NEK11: variants seen among roughly 807,000 people sequenced by gnomAD.
The protein encoded by NEK11 is serine/threonine-protein kinase Nek11.
Under a neutral mutation model 80.7 loss-of-function variants are expected in NEK11, and 72 were observed. The observed-to-expected ratio is 0.89, with a 90% CI of 0.74 to 1.08. The LOEUF is 1.08. Ranked by LOEUF, NEK11 falls within the 50% of genes least tolerant of loss-of-function variation. The pLI, the probability that NEK11 is intolerant of heterozygous loss-of-function variation, is 0.00. For synonymous variants in NEK11, 251 were observed against 260.7 expected, an observed-to-expected ratio of 0.96 and a Z score of 0.36; for missense variants, 764 against 763.6, an observed-to-expected ratio of 1.00 and a Z score of -0.01.
At chr3:131,152,972 A>C (rs2089976054) in intron 9 of NEK11, among the ~76,000 whole-genome samples, 1 of 152,168 alleles carries the variant, frequency 6.6e-6, no homozygotes, top group African/African-American at 2.4e-5. Context: ...CTTTAGTCCC[A>C]GCTACTCAGG....
At chr3:131,202,402 C>T (rs1169819316) in intron 14 of NEK11, among the ~76,000 whole-genome samples, 1 of 152,148 alleles carries the variant, frequency 6.6e-6, no homozygotes, top group Non-Finnish European at 1.5e-5. Context: ...AAACACTGCA[C>T]TTTTACAATG....
chr3:131,124,134 T>C (rs1388894488), intron 5 of NEK11, among the ~76,000 whole-genome samples: 1 of 152,158 alleles, frequency 6.6e-6, no homozygotes, highest in Non-Finnish European at 1.5e-5. Flanking sequence ...AAAAGGGACA[T>C]ATGGCATGTC....
chr3:131,223,681 T>C lies in NEK11; in HGVS notation c.1400-4847T>C, dbSNP rs557643344. Among the ~76,000 whole-genome samples, 4 of 152,340 alleles carry C rather than the reference T, an allele frequency of 2.6e-5. No individual in the cohort carries two copies. In the South Asian group the frequency reaches 8.3e-4, roughly 32 times the overall value. ...GTAATCTGCAAAGCCTAAAATTGTTTTACTATCTAGCCCTTTACAGAACAT... is the reference window on the plus strand; with the variant it reads ...GTAATCTGCAAAGCCTAAAATTGTTCTACTATCTAGCCCTTTACAGAACAT... On this transcript the variant is annotated intron_variant, in intron 14 of 17. Coordinates refer to ENST00000383366, the MANE Select transcript of NEK11 (RefSeq NM_024800.5).
intron 3 of NEK11, among the ~76,000 whole-genome samples, chr3:131,046,979 T>C (rs2067496580): frequency 6.6e-6 from 1 of 152,182 alleles, no homozygotes; most frequent in Admixed American, 6.5e-5. Context: ...TTGGAGGCTT[T>C]TTAAAAAAAT....
chr3:131,119,776 G>A (rs2082037715), intron 5 of NEK11, among the ~76,000 whole-genome samples: 1 of 151,892 alleles, frequency 6.6e-6, no homozygotes, highest in South Asian at 2.1e-4. Flanking sequence ...TGTTTTATCA[G>A]AGACTAGGAT....
chr3:131,271,656 T>C (rs1361840037), intron 16 of NEK11, among the ~76,000 whole-genome samples: 1 of 151,458 alleles, frequency 6.6e-6, no homozygotes, highest in South Asian at 2.1e-4. Flanking sequence ...TTAGCTGGGC[T>C]TGGTGGCGGG....
At chr3:131,080,010 G>A (rs2074977785) in intron 3 of NEK11, among the ~76,000 whole-genome samples, 1 of 146,702 alleles carries the variant, frequency 6.8e-6, no homozygotes, top group Admixed American at 6.9e-5. Flanking sequence ...ACAGAGTGAT[G>A]GATTACATAT....
intron 14 of NEK11, among the ~76,000 whole-genome samples, chr3:131,215,272 G>A (rs1171440807): frequency 4.8e-5 from 6 of 125,098 alleles, no homozygotes; most frequent in African/African-American, 1.0e-4. Flanking sequence ...GGGGCCTGTT[G>A]TGGGGCGGGG....
chr3:131,072,535 GC>G (rs1273193030), intron 3 of NEK11, among the ~76,000 whole-genome samples: 2 of 152,102 alleles, frequency 1.3e-5, no homozygotes, highest in Non-Finnish European at 1.5e-5. Context: ...CGATGACTCT[GC>G]CCATCTGTAT....
chr3:131,300,385 TAA>T (rs1184846223), intron 17 of NEK11, among the ~76,000 whole-genome samples: 1 of 152,334 alleles, frequency 6.6e-6, no homozygotes, highest in East Asian at 1.9e-4. Context: ...TTAATTTAAT[TAA>T]GTTTCATTTG....
intron 14 of NEK11, among the ~76,000 whole-genome samples, chr3:131,221,630 C>T (rs554083139): frequency 2.6e-5 from 4 of 152,228 alleles, no homozygotes; most frequent in Non-Finnish European, 5.9e-5. Context: ...TTGGTTTTCT[C>T]TTCAGGCAAA....
intron 3 of NEK11, among the ~76,000 whole-genome samples, chr3:131,064,569 A>G (rs1254910627): frequency 6.6e-6 from 1 of 152,184 alleles, no homozygotes; most frequent in East Asian, 1.9e-4. Flanking sequence ...GTTGAGACCA[A>G]CATATGAATT....
At chr3:131,096,330 T>C (rs1166988610) in intron 4 of NEK11, among the ~76,000 whole-genome samples, 1 of 152,150 alleles carries the variant, frequency 6.6e-6, no homozygotes, top group Non-Finnish European at 1.5e-5. Context: ...TCCAGCTTCA[T>C]CCATGTTGCT....
chr3:131,342,769 G>A (rs1202279643), intron 17 of NEK11, among the ~76,000 whole-genome samples: 2 of 151,956 alleles, frequency 1.3e-5, no homozygotes, highest in African/African-American at 4.8e-5. Context: ...GTATGTCTGT[G>A]TATGAAATCC....
At chr3:131,200,183 G>A (rs770777953) in intron 14 of NEK11, among the ~76,000 whole-genome samples, 8 of 152,120 alleles carry the variant, frequency 5.3e-5, no homozygotes, top group South Asian at 4.1e-4. Context: ...ATAAAGAAAC[G>A]CATAAGTAAT....
At chr3:131,108,374 C>G (rs983133517) in intron 4 of NEK11, among the ~76,000 whole-genome samples, 2 of 152,088 alleles carry the variant, frequency 1.3e-5, no homozygotes, top group Admixed American at 1.3e-4. Flanking sequence ...TTTTGCTCCC[C>G]ATGAATATGA....
At chr3:131,173,764 A>G (rs1033997409) in intron 14 of NEK11, among the ~76,000 whole-genome samples, 3 of 152,122 alleles carry the variant, frequency 2.0e-5, no homozygotes, top group Non-Finnish European at 4.4e-5. Flanking sequence ...GGTTCCAGCT[A>G]CTATGGAAAA....
At chr3:131,197,580 G>A (rs944472017) in intron 14 of NEK11, among the ~76,000 whole-genome samples, 1 of 152,090 alleles carries the variant, frequency 6.6e-6, no homozygotes, top group Non-Finnish European at 1.5e-5. Flanking sequence ...AAAAGGCCTG[G>A]CCCAGTAAAT....
intron 7 of NEK11, among the ~76,000 whole-genome samples, chr3:131,136,232 C>T (rs1407383564): frequency 6.6e-6 from 1 of 152,096 alleles, no homozygotes; most frequent in East Asian, 1.9e-4. Context: ...TTAGTAATTA[C>T]CTTGGTTGTA....
Sources: gnomAD v4.1 joint callset for allele counts (sites outside exome capture counted in the v4.1 genomes callset) on GRCh38, gnomAD v4.1.1 for gene constraint, MANE v1.5 for transcripts, NCBI Gene and HGNC (gene_info 2026-07-23, HGNC 2026-07-21) for gene names.